NTNG2: variants seen among roughly 807,000 people sequenced by gnomAD.
NTNG2 encodes netrin-G2.
In NTNG2, 15 loss-of-function variants were observed where a neutral mutation model predicts 47.6. That is an observed-to-expected ratio of 0.32 (90% CI 0.21 to 0.49). NTNG2 has a LOEUF of 0.49. NTNG2 is among the 20% of genes least tolerant of loss of function. The pLI, the probability that NTNG2 is intolerant of heterozygous loss-of-function variation, is 0.99. For synonymous variants in NTNG2, 307 were observed against 324.6 expected (o/e 0.95, Z 0.58); for missense variants, 578 against 764.6 (o/e 0.76, Z 2.88).
intron 2 of NTNG2, among the ~76,000 whole-genome samples, chr9:132,179,899 C>T (rs928408827): frequency 6.6e-6 from 1 of 152,258 alleles, no homozygotes; most frequent in Admixed American, 6.5e-5. Flanking sequence ...TCTCACTGGG[C>T]GGCCACAGAG....
chr9:132,162,412 T>C lies in NTNG2; in HGVS notation c.-484+173T>C, dbSNP rs1041558578. Among the ~76,000 whole-genome samples, 1 of 152,120 alleles carries C rather than the reference T, an allele frequency of 6.6e-6. No homozygotes were observed. Among genetic ancestry groups the C allele is most frequent in the African/African-American group, 2.4e-5 (1 of 41,424 alleles). ...GCAAAAGTTGTTTGGTGGCGGCTGC[T>C]ACGAGCTGAGAACTGGAGTCGCCCC... On this transcript the variant is annotated intron_variant, in intron 1 of 7. Transcript: ENST00000393229. This position sits in a 1 kb window ranked among gnomAD's most constrained non-coding sequence, Gnocchi z 4.6.
In NTNG2 at chr9:132,172,722, A is replaced by ATTTT. The variant is rs35406789; in HGVS notation, c.213+5699_213+5702dup. Among the ~76,000 whole-genome samples the ATTTT allele has an allele frequency of 6.1e-3, 509 of 83,452 alleles. 19 individuals are homozygous for ATTTT. The highest frequency in any genetic ancestry group is 0.023 in the African/African-American group (459 of 20,238). 54.7% of individuals were successfully genotyped at this position (83,452 alleles called of 152,430 possible). ...TCAGAGGAGGCAGGATCAGGGCTGT[A>ATTTT]TTTTTTTTTTTTTTTTTTTTTTTTG... On this transcript the variant is annotated intron_variant, in intron 2 of 7. Transcript: ENST00000393229.
At chr9:132,203,422 C>T (rs771200638) in intron 3 of NTNG2, among the ~76,000 whole-genome samples, 25 of 151,944 alleles carry the variant, frequency 1.6e-4, no homozygotes, top group South Asian at 2.1e-4. Context: ...ATGGTACCAG[C>T]GGAAGCGATA....
At chr9:132,234,119 C>T (rs901025763) in intron 5 of NTNG2, among the ~76,000 whole-genome samples, 4 of 151,990 alleles carry the variant, frequency 2.6e-5, no homozygotes, top group African/African-American at 9.7e-5. Context: ...CCTCCGCCCC[C>T]CCAGGTTCAA....
chr9:132,188,595 C>T (rs1294937953), intron 2 of NTNG2, among the ~76,000 whole-genome samples: 1 of 152,210 alleles, frequency 6.6e-6, no homozygotes, highest in East Asian at 1.9e-4. Context: ...TTGAGGCACA[C>T]AGGGCGCCCA....
At chr9:132,229,795 G>A (rs750157743) in intron 4 of NTNG2, among the ~76,000 whole-genome samples, 24 of 152,192 alleles carry the variant, frequency 1.6e-4, no homozygotes, top group Non-Finnish European at 3.1e-4. Context: ...ATCCCACAGC[G>A]TCCTTTCTCG....
Position 132,198,523 on chromosome 9 carries a change from G to A in NTNG2, c.771G>A (p.Leu257=). The change falls in exon 3 of 8, where the codon CTG becomes CTA. Residue 257 remains leucine (L), a synonymous_variant. Coordinates refer to ENST00000393229, the MANE Select transcript of NTNG2 (RefSeq NM_032536.4). ...FTLTDLRMRL[L]RPALGGTYVQ... is the part of the protein sequence containing the mutation. ...TCACCGACCTGCGCATGCGGCTGCT[G>A]CGCCCGGCGCTGGGCGGCACCTATG... 2 of 1,613,100 alleles carry A rather than the reference G, an allele frequency of 1.2e-6. No homozygotes were observed. Among genetic ancestry groups the A allele is most frequent in the South Asian group, 2.2e-5 (2 of 91,074 alleles).
chr9:132,191,917 C>T (rs1291725245), intron 2 of NTNG2, among the ~76,000 whole-genome samples: 2 of 152,198 alleles, frequency 1.3e-5, no homozygotes, highest in African/African-American at 4.8e-5. Context: ...TTTTAAAAAT[C>T]AGCGGTATGA....
rs1840339896 is a variant in NTNG2, at chr9:132,221,431, A to G, written c.858-5418A>G. 6.6e-6 allele frequency among the ~76,000 whole-genome samples: 1 copy of G among 152,342 alleles called. No homozygotes were observed. The highest frequency in any genetic ancestry group is 2.4e-5 in the African/African-American group (1 of 41,574). Reference sequence around the variant, plus strand: ...TGTCCACACACACCGACACAGAGGCAGTACCACCCACAGTGACCTGCAAAA... The same window carrying G: ...TGTCCACACACACCGACACAGAGGCGGTACCACCCACAGTGACCTGCAAAA... On this transcript the variant is annotated intron_variant, in intron 3 of 7. Transcript: ENST00000393229. The surrounding 1 kb of genome is among the most constrained non-coding windows in gnomAD (Gnocchi z 4.2).
chr9:132,174,379 C>T (rs1325550046), intron 2 of NTNG2, among the ~76,000 whole-genome samples: 1 of 151,306 alleles, frequency 6.6e-6, no homozygotes, highest in Non-Finnish European at 1.5e-5. Flanking sequence ...GATGGACGGA[C>T]GGACAGACAG....
At chr9:132,234,058 G>A (rs980338261) in intron 5 of NTNG2, among the ~76,000 whole-genome samples, 16 of 142,688 alleles carry the variant, frequency 1.1e-4, no homozygotes, top group Non-Finnish European at 1.8e-4. Flanking sequence ...ATGGAGTTTC[G>A]CTCTTGTCGC....
chr9:132,212,569 C>T (rs1353968514), intron 3 of NTNG2, among the ~76,000 whole-genome samples: 3 of 152,148 alleles, frequency 2.0e-5, no homozygotes, highest in East Asian at 3.9e-4. Context: ...CTGCGCCAGG[C>T]GACCAACCCA....
rs968147392 is a variant in NTNG2 at position 132,243,690 on chromosome 9, G to C, written c.*1579G>C. The C allele has an allele frequency of 6.6e-6, 1 of 152,340 alleles. No individual in the cohort carries two copies. Among genetic ancestry groups the C allele is most frequent in the Non-Finnish European group, 1.5e-5 (1 of 68,114 alleles). The allele number at this position is 152,340 out of a possible 1,614,324, so 9.4% of individuals were successfully genotyped here. Reference sequence around the variant, plus strand: ...TGTTCTTTCCCAGCTGCGAGGTTTAGACCTGGGTCCTTCCCTTGAGTCCCC... The same window carrying C: ...TGTTCTTTCCCAGCTGCGAGGTTTACACCTGGGTCCTTCCCTTGAGTCCCC... On this transcript the variant is annotated 3_prime_UTR_variant, in exon 8 of 8. Transcript: ENST00000393229.
rs113669887 is a variant in NTNG2 at position 132,218,988 on chromosome 9, C to A, written c.858-7861C>A. ...ACACATGTAAAGCGTACAATTCAGT[C>A]GCTTTTAGGTTATTCACAGAGTTGT... On this transcript the variant is annotated intron_variant, in intron 3 of 7. Coordinates refer to ENST00000393229, the MANE Select transcript of NTNG2 (RefSeq NM_032536.4). This position sits in a 1 kb window ranked among gnomAD's most constrained non-coding sequence, Gnocchi z 5.4. Among the ~76,000 whole-genome samples the A allele has an allele frequency of 6.6e-6, 1 of 152,160 alleles. No homozygotes were observed. Among genetic ancestry groups the A allele is most frequent in the South Asian group, 2.1e-4 (1 of 4,832 alleles).
intron 2 of NTNG2, among the ~76,000 whole-genome samples, chr9:132,188,628 A>G (rs1377495290): frequency 2.0e-5 from 3 of 152,172 alleles, no homozygotes; most frequent in Admixed American, 6.5e-5. Context: ...GGTGGAAGAC[A>G]TGCTCCCTAA....
At chr9:132,200,598 G>T (rs530952333) in intron 3 of NTNG2, among the ~76,000 whole-genome samples, 3 of 152,226 alleles carry the variant, frequency 2.0e-5, no homozygotes, top group Non-Finnish European at 4.4e-5. Context: ...TGGGCAGGCC[G>T]CTGTGGTGCT....
chr9:132,196,582 T>C (rs769574977), intron 2 of NTNG2, among the ~76,000 whole-genome samples: 3 of 152,236 alleles, frequency 2.0e-5, no homozygotes, highest in Non-Finnish European at 2.9e-5. Context: ...AAATGCCCTG[T>C]GCTCGGCCTA....
chr9:132,241,296 G>T (rs1432978404), intron 7 of NTNG2: 1 of 549,906 alleles, frequency 1.8e-6, no homozygotes, highest in East Asian at 3.4e-5. Flanking sequence ...ATAGTTGGCA[G>T]GGGCCTGGTG....
rs1589512909 is a variant in NTNG2 at position 132,221,710 on chromosome 9, G to C, written c.858-5139G>C. ...CCAGGATGGAGCCTGGGCAGAGCCA[G>C]CTGGGGAGGGACGTCTGGATTTGGG... On this transcript the variant is annotated intron_variant, in intron 3 of 7. Transcript: ENST00000393229. This position sits in a 1 kb window ranked among gnomAD's most constrained non-coding sequence, Gnocchi z 4.2. Among the ~76,000 whole-genome samples, 1 of 152,338 alleles carries C rather than the reference G, an allele frequency of 6.6e-6. No homozygotes were observed. The highest frequency in any genetic ancestry group is 1.9e-4 in the East Asian group (1 of 5,186).
Sources: allele counts gnomAD v4.1 joint callset (sites outside exome capture counted in the v4.1 genomes callset), GRCh38; gene constraint gnomAD v4.1.1; non-coding constraint Gnocchi (gnomAD v3.1); transcripts MANE v1.5; gene names NCBI Gene and HGNC (gene_info 2026-07-23, HGNC 2026-07-21).